Variants in CDK13 observed in about 807,000 individuals in gnomAD.
CDK13 encodes cyclin-dependent kinase 13.
Under a neutral mutation model 137.6 loss-of-function variants are expected in CDK13, and 40 were observed. The observed-to-expected ratio is 0.29, with a 90% confidence interval of 0.23 to 0.38. The LOEUF (loss-of-function observed/expected upper bound fraction) is 0.38. Among genes scored for constraint, CDK13 ranks in the 10% least tolerant of loss-of-function variants. The pLI is 1.00. For synonymous variants in CDK13, 869 were observed against 760.1 expected, an observed-to-expected ratio of 1.14 and a Z score of -2.36; for missense variants, 1,704 against 1,951.8, an observed-to-expected ratio of 0.87 and a Z score of 2.39.
At position 40,094,569 on chromosome 7, in the gene CDK13, T is replaced by C. The variant is rs1377468410; in HGVS notation, c.4128T>C (p.Ser1376=). 6.2e-7 allele frequency: 1 copy of C among 1,612,186 alleles called. No homozygotes were observed. The highest frequency in any genetic ancestry group is 1.7e-5 in the Admixed American group (1 of 59,848). ...RSFIGNSDIQ[S]LDNYSTASSH... ...TCATTGGAAATTCAGATATTCAGTC[T>C]TTGGATAACTACAGTACTGCTTCAT... The change falls in exon 14 of 14, where the codon TCT becomes TCC. Residue 1376 remains serine (S), a synonymous_variant. Transcript: ENST00000181839.
chr7:40,026,087 G>A (rs920884220), intron 5 of CDK13, among the ~76,000 whole-genome samples: 1 of 152,140 alleles, frequency 6.6e-6, no homozygotes, highest in Non-Finnish European at 1.5e-5. Flanking sequence ...AAGCACTAGT[G>A]GCATCTCTTT....
At chr7:40,084,647 C>T (rs1322029922) in intron 11 of CDK13, among the ~76,000 whole-genome samples, 1 of 152,144 alleles carries the variant, frequency 6.6e-6, no homozygotes, top group Non-Finnish European at 1.5e-5. Context: ...TATCAGTTGC[C>T]ATTAGAATGA....
chr7:40,036,193 C>CACACACACACACAT lies in CDK13; in HGVS notation c.2354-9638_2354-9637insCACACACATACACA, dbSNP rs1164605897. Among the ~76,000 whole-genome samples the CACACACACACACAT allele has an allele frequency of 2.0e-5, 3 of 146,444 alleles. No homozygotes were observed. The East Asian group carries it at 5.8e-4, about 28-fold the overall frequency. ...TAAATTACACACACACACACACACA[C>CACACACACACACAT]ACACATATAAAACCTTGATAAAAAG... On this transcript the variant is annotated intron_variant, in intron 5 of 13. Transcript: ENST00000181839.
chr7:40,016,919 C>T (rs1033444794), intron 5 of CDK13, among the ~76,000 whole-genome samples: 1 of 151,838 alleles, frequency 6.6e-6, no homozygotes, highest in Non-Finnish European at 1.5e-5. Context: ...AAATAAAAAG[C>T]ATAAATGGAT....
intron 5 of CDK13, among the ~76,000 whole-genome samples, chr7:40,029,214 G>A (rs376993646): frequency 6.6e-5 from 10 of 151,416 alleles, no homozygotes; most frequent in East Asian, 3.9e-4. Flanking sequence ...ATCACTTGAG[G>A]TCAGGAGTTC....
intron 5 of CDK13, among the ~76,000 whole-genome samples, chr7:40,010,926 AC>A (rs1373099536): frequency 6.6e-6 from 1 of 152,210 alleles, no homozygotes; most frequent in Non-Finnish European, 1.5e-5. Flanking sequence ...AGAGAATAAA[AC>A]ATCTAGAAAT....
At chr7:39,962,351 C>T (rs1783765550) in intron 1 of CDK13, among the ~76,000 whole-genome samples, 1 of 152,196 alleles carries the variant, frequency 6.6e-6, no homozygotes, top group Non-Finnish European at 1.5e-5. Flanking sequence ...GATGGTATCT[C>T]ATTGAGGTTT....
At chr7:39,977,194 G>A (rs942409698) in intron 1 of CDK13, among the ~76,000 whole-genome samples, 8 of 152,192 alleles carry the variant, frequency 5.3e-5, no homozygotes, top group Non-Finnish European at 4.4e-5. Context: ...CACTAGGCCA[G>A]TATGTGGGAA....
chr7:39,988,236 C>T lies in CDK13; in HGVS notation c.1849C>T (p.Pro617Ser), dbSNP rs1224511228. 1 of 1,598,696 alleles carries T rather than the reference C, an allele frequency of 6.3e-7. No individual in the cohort carries two copies. Among genetic ancestry groups the T allele is most frequent in the South Asian group, 1.1e-5 (1 of 87,684 alleles). Reference sequence around the variant, plus strand: ...ACCGTTACCTTTGCCTCCCATGCTGCCTGAAGATAAAGAAGCTGATAGGTA... The same window carrying T: ...ACCGTTACCTTTGCCTCCCATGCTGTCTGAAGATAAAGAAGCTGATAGGTA... ...LPPLPLPPML[P>S]EDKEADSLRG... Residue 617 changes from proline (P) to serine (S), a missense_variant, in exon 2 of 14, where the codon CCT (proline) becomes TCT (serine). Transcript: ENST00000181839.
Position 39,976,890 on chromosome 7 carries a change from A to T in CDK13, c.1212-10709A>T, listed in dbSNP as rs572893265. ...ACGGTATTTGTTTTATTCAGTGAAT[A>T]AAACACTGAATTATGCTAGGGGCTG... On this transcript the variant is annotated intron_variant, in intron 1 of 13. Transcript: ENST00000181839. Among the ~76,000 whole-genome samples, 18 of 152,334 alleles carry T rather than the reference A, an allele frequency of 1.2e-4. No homozygotes were observed. In the South Asian group the frequency reaches 3.7e-3, roughly 32 times the overall value.
intron 1 of CDK13, among the ~76,000 whole-genome samples, chr7:39,956,938 C>G (rs942637994): frequency 1.3e-5 from 2 of 151,928 alleles, no homozygotes; most frequent in Admixed American, 6.6e-5. Context: ...TGATCTGGCT[C>G]CATTCTATCA....
At chr7:39,962,636 A>G (rs9655408) in intron 1 of CDK13, among the ~76,000 whole-genome samples, 21,628 of 152,142 alleles carry the variant, frequency 0.14, 5,080 homozygotes, top group African/African-American at 0.49. Context: ...GTTTAGTTTA[A>G]TTAGATCCCG....
At position 40,095,823 on chromosome 7, in the gene CDK13, T is replaced by A. The variant is rs1055546844; in HGVS notation, c.*843T>A. ...TCCTGTTAGGTCCATTCCCTCTGCT[T>A]GTCACACTTTCTCCTTTTCTGCCTG... On this transcript the variant is annotated 3_prime_UTR_variant, in exon 14 of 14. Coordinates refer to ENST00000181839, the MANE Select transcript of CDK13 (RefSeq NM_003718.5). The A allele has an allele frequency of 3.3e-5, 5 of 152,208 alleles. No homozygotes were observed. Among genetic ancestry groups the A allele is most frequent in the African/African-American group, 9.7e-5 (4 of 41,448 alleles). 9.4% of individuals were successfully genotyped at this position (152,208 alleles called of 1,614,324 possible).
Position 40,097,431 on chromosome 7 carries a change from A to G in CDK13, c.*2451A>G, listed in dbSNP as rs1787071407. ...TTATAATTGATGAAATATGATAGTA[A>G]AAAATTTTAATGCTTCCCTTCATAG... On this transcript the variant is annotated 3_prime_UTR_variant, in exon 14 of 14. Transcript: ENST00000181839. The G allele has an allele frequency of 1.3e-5, 2 of 151,612 alleles. No homozygotes were observed. Among genetic ancestry groups the G allele is most frequent in the African/African-American group, 2.4e-5 (1 of 40,942 alleles). The allele number at this position is 151,612 out of a possible 1,614,324, so 9.4% of individuals were successfully genotyped here.
intron 1 of CDK13, among the ~76,000 whole-genome samples, chr7:39,966,772 A>T (rs940355420): frequency 1.3e-5 from 2 of 151,894 alleles, no homozygotes; most frequent in African/African-American, 2.4e-5. Flanking sequence ...GATGATGGTG[A>T]TGTACAGATG....
At chr7:40,056,374 G>A (rs866601097) in intron 7 of CDK13, among the ~76,000 whole-genome samples, 1 of 152,046 alleles carries the variant, frequency 6.6e-6, no homozygotes, top group Non-Finnish European at 1.5e-5. Flanking sequence ...TACAATTAAA[G>A]TACCACTAAC....
chr7:40,069,339 A>G (rs1309738294), intron 9 of CDK13: 1 of 456,112 alleles, frequency 2.2e-6, no homozygotes, highest in Admixed American at 2.4e-5. Flanking sequence ...TCTGATAAAC[A>G]AATCTGACTA....
chr7:40,029,962 T>A (rs551064695), intron 5 of CDK13, among the ~76,000 whole-genome samples: 48 of 152,154 alleles, frequency 3.2e-4, no homozygotes, highest in Non-Finnish European at 5.3e-4. Flanking sequence ...TAGATTAGAT[T>A]CTTACTGTCT....
At chr7:40,092,500 T>G (rs1786946600) in intron 12 of CDK13, 1 of 357,222 alleles carries the variant, frequency 2.8e-6, no homozygotes, top group African/African-American at 2.1e-5. Flanking sequence ...ATGTGCTGTT[T>G]CCTGGTTAAA....
Sources: allele counts gnomAD v4.1 joint callset (sites outside exome capture counted in the v4.1 genomes callset), GRCh38; gene constraint gnomAD v4.1.1; transcripts MANE v1.5; gene names NCBI Gene and HGNC (gene_info 2026-07-23, HGNC 2026-07-21).